Variants in CSNK2A2IP observed in about 807,000 individuals in gnomAD.
CSNK2A2IP encodes the protein casein kinase 2 subunit alpha' interacting protein, also known as casein kinase II subunit alpha'-interacting protein.
the CSNK2A2IP span, among the ~76,000 whole-genome samples, chr3:88,345,453 G>T: frequency 5.3e-5 from 8 of 152,002 alleles, no homozygotes; most frequent in South Asian, 6.2e-4. Flanking sequence ...TAAATTGAAG[G>T]TTTGTGGCAA....
the CSNK2A2IP span, among the ~76,000 whole-genome samples, chr3:88,354,692 G>A: frequency 1.3e-5 from 2 of 152,194 alleles, no homozygotes; most frequent in East Asian, 3.9e-4. Flanking sequence ...AATAGCAAAT[G>A]AACATTTTAG....
chr3:88,402,711 C>A, the CSNK2A2IP span, among the ~76,000 whole-genome samples: 2 of 151,760 alleles, frequency 1.3e-5, no homozygotes, highest in African/African-American at 4.8e-5. Context: ...AAAGAGTATA[C>A]CATATATTTG....
At chr3:88,433,262 T>C in the CSNK2A2IP span, among the ~76,000 whole-genome samples, 283 of 128,750 alleles carry the variant, frequency 2.2e-3, no homozygotes, top group Non-Finnish European at 2.5e-3. Context: ...ATTTATGCCT[T>C]TGTTCTGTTT....
At chr3:88,404,794 C>A in the CSNK2A2IP span, among the ~76,000 whole-genome samples, 1 of 122,876 alleles carries the variant, frequency 8.1e-6, no homozygotes, top group Admixed American at 7.9e-5. Flanking sequence ...TCATTTATTC[C>A]TTTAGATTGA....
At chr3:88,426,949 G>A in the CSNK2A2IP span, among the ~76,000 whole-genome samples, 8 of 151,948 alleles carry the variant, frequency 5.3e-5, no homozygotes, top group African/African-American at 1.9e-4. Context: ...AGCAGCTTTG[G>A]AACTGGGTAA....
At chr3:88,401,492 G>A in the CSNK2A2IP span, among the ~76,000 whole-genome samples, 1 of 151,810 alleles carries the variant, frequency 6.6e-6, no homozygotes, top group Admixed American at 6.6e-5. Flanking sequence ...TACCTTCTAG[G>A]GACTAACCTT....
the CSNK2A2IP span, among the ~76,000 whole-genome samples, chr3:88,390,970 A>C: frequency 6.6e-6 from 1 of 152,234 alleles, no homozygotes; most frequent in Non-Finnish European, 1.5e-5. Flanking sequence ...CATATGATTA[A>C]GAATTTGTGT....
the CSNK2A2IP span, among the ~76,000 whole-genome samples, chr3:88,453,161 A>C: frequency 2.9e-3 from 436 of 152,240 alleles, 2 homozygotes; most frequent in African/African-American, 9.8e-3. Flanking sequence ...GAAACTTATG[A>C]AGTTGGTTCC....
the CSNK2A2IP span, among the ~76,000 whole-genome samples, chr3:88,446,081 TC>T: frequency 1.4e-5 from 2 of 145,866 alleles, no homozygotes; most frequent in African/African-American, 2.6e-5. Flanking sequence ...TTTCTTTCTT[TC>T]TTTCTTTCTT....
At chr3:88,370,250 C>T in the CSNK2A2IP span, among the ~76,000 whole-genome samples, 129 of 151,858 alleles carry the variant, frequency 8.5e-4, 1 homozygote, top group African/African-American at 2.9e-3. Flanking sequence ...AAACTATATG[C>T]ATATTCAGGG....
At chr3:88,431,939 G>C in the CSNK2A2IP span, among the ~76,000 whole-genome samples, 1 of 152,154 alleles carries the variant, frequency 6.6e-6, no homozygotes, top group Middle Eastern at 3.4e-3. Context: ...ATTTATAATA[G>C]ATAAGGCTCA....
chr3:88,464,477 GA>G, the CSNK2A2IP span, among the ~76,000 whole-genome samples: 5 of 151,326 alleles, frequency 3.3e-5, no homozygotes, highest in Non-Finnish European at 5.9e-5. Flanking sequence ...TGAAGACTTG[GA>G]AAAAAAATAA....
the CSNK2A2IP span, among the ~76,000 whole-genome samples, chr3:88,413,877 G>C: frequency 1.3e-5 from 2 of 151,936 alleles, no homozygotes; most frequent in African/African-American, 4.8e-5. Context: ...AATCAAACCA[G>C]TTTGTTAGAA....
chr3:88,352,625 A>G, the CSNK2A2IP span, among the ~76,000 whole-genome samples: 6 of 151,968 alleles, frequency 3.9e-5, no homozygotes, highest in Admixed American at 1.3e-4. Context: ...ATCACCCAGG[A>G]TGGAGTGCAG....
chr3:88,449,254 C>G, the CSNK2A2IP span, among the ~76,000 whole-genome samples: 4 of 152,128 alleles, frequency 2.6e-5, no homozygotes, highest in Non-Finnish European at 5.9e-5. Flanking sequence ...TTTACATATA[C>G]AGTAACAAGA....
chr3:88,423,372 T>TG, the CSNK2A2IP span, among the ~76,000 whole-genome samples: 1 of 151,906 alleles, frequency 6.6e-6, no homozygotes, highest in Non-Finnish European at 1.5e-5. Context: ...ACTTTTTTTT[T>TG]CTCCCTTCTG....
the CSNK2A2IP span, among the ~76,000 whole-genome samples, chr3:88,449,759 CTCTTCACGATT>C: frequency 2.5e-5 from 3 of 119,468 alleles, no homozygotes; most frequent in East Asian, 7.3e-4. Context: ...TACCTTTTTT[CTCTTCACGATT>C]GTGAAGAGAA....
At chr3:88,454,632 G>A in the CSNK2A2IP span, among the ~76,000 whole-genome samples, 2 of 151,724 alleles carry the variant, frequency 1.3e-5, no homozygotes, top group African/African-American at 4.8e-5. Flanking sequence ...TTTTATACAT[G>A]TGTCTTTTTT....
chr3:88,365,950 T>A, the CSNK2A2IP span, among the ~76,000 whole-genome samples: 1 of 152,146 alleles, frequency 6.6e-6, no homozygotes, highest in African/African-American at 2.4e-5. Flanking sequence ...GGGGTTATTA[T>A]TTACTTAAAT....
Sources: gnomAD v4.1 joint callset for allele counts (sites outside exome capture counted in the v4.1 genomes callset) on GRCh38, gnomAD v4.1.1 for gene constraint, MANE v1.5 for transcripts, NCBI Gene and HGNC (gene_info 2026-07-23, HGNC 2026-07-21) for gene names.